KDM4C: variants seen among roughly 807,000 people sequenced by gnomAD.
The protein encoded by KDM4C is lysine demethylase 4C.
A neutral mutation model predicts 129.3 loss-of-function variants in KDM4C; 81 were observed. The observed-to-expected ratio is 0.63, with a 90% confidence interval of 0.52 to 0.75. The LOEUF (loss-of-function observed/expected upper bound fraction) is 0.75. KDM4C is among the 30% of genes least tolerant of loss of function. The pLI, the probability that KDM4C is intolerant of heterozygous loss-of-function variation, is 0.00. For synonymous variants in KDM4C, 573 were observed against 456.1 expected (o/e 1.26, Z -3.26); for missense variants, 1,457 against 1,304.0 (o/e 1.12, Z -1.81).
intron 17 of KDM4C, among the ~76,000 whole-genome samples, chr9:7,050,442 C>CAAAAAAAAAAA (rs71500910): frequency 0.032 from 2,508 of 77,596 alleles, 138 homozygotes; most frequent in East Asian, 0.065. Context: ...CCCAGATTAC[C>CAAAAAAAAAAA]AAAAAAAAAA....
Position 6,758,753 on chromosome 9 carries a change from T to A in KDM4C, c.-18+550T>A, listed in dbSNP as rs1818800877. Among the ~76,000 whole-genome samples, 1 of 152,224 alleles carries A rather than the reference T, an allele frequency of 6.6e-6. No individual in the cohort carries two copies. Among genetic ancestry groups the A allele is most frequent in the Non-Finnish European group, 1.5e-5 (1 of 68,034 alleles). On this transcript the variant is annotated intron_variant, in intron 1 of 21. Transcript: ENST00000381309. The surrounding 1 kb of genome is among the most constrained non-coding windows in gnomAD (Gnocchi z 4.6). ...TTTCTTTCCCCCGGCATGGGGCCATTTCTTCCTGCAGTGCCTGGAGGAACC... is the reference window on the plus strand; with the variant it reads ...TTTCTTTCCCCCGGCATGGGGCCATATCTTCCTGCAGTGCCTGGAGGAACC...
chr9:6,925,435 C>T (rs538270832), intron 8 of KDM4C: 2 of 927,408 alleles, frequency 2.2e-6, no homozygotes, highest in Non-Finnish European at 2.6e-6. Flanking sequence ...CTCCTTTCCC[C>T]TTTTCCTCTT....
intron 17 of KDM4C, among the ~76,000 whole-genome samples, chr9:7,053,367 T>C (rs1587287851): frequency 6.6e-6 from 1 of 152,342 alleles, no homozygotes; most frequent in Admixed American, 6.5e-5. Flanking sequence ...ATTTGTTTAC[T>C]TGAGCAGATT....
chr9:6,974,589 C>G (rs1307512793), intron 8 of KDM4C, among the ~76,000 whole-genome samples: 1 of 152,176 alleles, frequency 6.6e-6, no homozygotes, highest in Non-Finnish European at 1.5e-5. Flanking sequence ...AACTCCTGAC[C>G]TCAGGTGCTC....
chr9:6,835,069 G>T, intron 4 of KDM4C: 2 of 965,012 alleles, frequency 2.1e-6, no homozygotes, highest in South Asian at 2.6e-5. Context: ...GGCTGAGTGG[G>T]ATATCGTGCG....
intron 1 of KDM4C, among the ~76,000 whole-genome samples, chr9:6,773,030 C>T (rs933104841): frequency 6.6e-6 from 1 of 151,730 alleles, no homozygotes; most frequent in East Asian, 1.9e-4. Flanking sequence ...GACAAGGTCT[C>T]ACTCTGTCAC....
intron 14 of KDM4C, among the ~76,000 whole-genome samples, chr9:7,014,521 C>T (rs1823296250): frequency 6.6e-6 from 1 of 152,102 alleles, no homozygotes; most frequent in African/African-American, 2.4e-5. Context: ...ATAGTCTCCA[C>T]ACCTATCTCA....
intron 8 of KDM4C, among the ~76,000 whole-genome samples, chr9:6,921,570 A>G (rs994018154): frequency 1.4e-4 from 21 of 152,172 alleles, no homozygotes; most frequent in Non-Finnish European, 1.8e-4. Flanking sequence ...TCCAACCACT[A>G]TAAGTCATTG....
chr9:6,985,564 T>G (rs1431479564), intron 10 of KDM4C, among the ~76,000 whole-genome samples: 1 of 152,202 alleles, frequency 6.6e-6, no homozygotes, highest in Non-Finnish European at 1.5e-5. Flanking sequence ...AGGTGATATC[T>G]GAATTGAGTT....
intron 8 of KDM4C, among the ~76,000 whole-genome samples, chr9:6,976,730 T>A (rs1832986305): frequency 6.6e-6 from 1 of 152,194 alleles, no homozygotes; most frequent in Non-Finnish European, 1.5e-5. Flanking sequence ...GAGTTTGATT[T>A]AAAAATTTAG....
At chr9:7,083,770 A>G (rs1834813379) in intron 17 of KDM4C, among the ~76,000 whole-genome samples, 1 of 146,602 alleles carries the variant, frequency 6.8e-6, no homozygotes. Flanking sequence ...CATTGTTTAA[A>G]CAGTAAAATT....
chr9:7,043,683 CT>C (rs78680077), intron 15 of KDM4C, among the ~76,000 whole-genome samples: 15 of 146,080 alleles, frequency 1.0e-4, no homozygotes, highest in Admixed American at 2.7e-4. Flanking sequence ...TTGTTTCCTA[CT>C]TTTTTTTTTT....
At chr9:7,046,826 G>T in intron 15 of KDM4C, 36 bp from the exon 16 acceptor site, 1 of 1,444,164 alleles carries the variant, frequency 6.9e-7, no homozygotes, top group Non-Finnish European at 9.7e-7. Flanking sequence ...TGTTATGTGG[G>T]TCTGGTCATC....
intron 17 of KDM4C, among the ~76,000 whole-genome samples, chr9:7,056,350 C>CA (rs60009675): frequency 0.64 from 94,706 of 147,480 alleles, 30,046 homozygotes; most frequent in Non-Finnish European, 0.68. Context: ...AAGTGTAGTG[C>CA]AAAAAAAAAA....
chr9:7,143,462 A>G (rs984145812), intron 19 of KDM4C, among the ~76,000 whole-genome samples: 21 of 152,212 alleles, frequency 1.4e-4, no homozygotes, highest in Admixed American at 3.9e-4. Flanking sequence ...AAAGGGCATG[A>G]CATAATCCTT....
chr9:6,979,355 C>T (rs922751698), intron 8 of KDM4C, among the ~76,000 whole-genome samples: 1 of 152,010 alleles, frequency 6.6e-6, no homozygotes. Context: ...ATATTCAGAG[C>T]CGAGGATGAA....
chr9:6,936,613 A>G (rs1205760326), intron 8 of KDM4C, among the ~76,000 whole-genome samples: 2 of 152,206 alleles, frequency 1.3e-5, no homozygotes, highest in African/African-American at 4.8e-5. Context: ...TGAACGCCAT[A>G]TCATTCTGAT....
intron 1 of KDM4C, among the ~76,000 whole-genome samples, chr9:6,740,360 C>G (rs1043955031): frequency 6.6e-6 from 1 of 151,998 alleles, no homozygotes; most frequent in African/African-American, 2.4e-5. Flanking sequence ...CCCGTCACCC[C>G]ACCTGGCTAA....
chr9:6,882,429 A>G (rs941058392), intron 6 of KDM4C, among the ~76,000 whole-genome samples: 4 of 152,232 alleles, frequency 2.6e-5, no homozygotes, highest in African/African-American at 7.2e-5. Flanking sequence ...GAGAAAGTGT[A>G]CAGATTTTTG....
Sources: gnomAD v4.1 joint callset for allele counts (sites outside exome capture counted in the v4.1 genomes callset) on GRCh38, gnomAD v4.1.1 for gene constraint, Gnocchi (gnomAD v3.1) non-coding constraint, MANE v1.5 for transcripts, NCBI Gene and HGNC (gene_info 2026-07-23, HGNC 2026-07-21) for gene names.